Variants in VBP1 observed in about 807,000 individuals in gnomAD.
The protein encoded by VBP1 is VHL binding protein 1.
VBP1 carries 4 observed loss-of-function variants against 15.5 expected under a neutral mutation model. That is an observed-to-expected ratio of 0.26 (90% CI 0.13 to 0.59). VBP1 has a LOEUF of 0.59. Among genes scored for constraint, VBP1 ranks in the 20% least tolerant of loss-of-function variants. VBP1 has a pLI of 0.90. For missense variants in VBP1, 108 were observed against 139.6 expected (o/e 0.77, Z 1.14); for synonymous variants, 61 against 52.1 (o/e 1.17, Z -0.74).
At chrX:155,219,998 A>T (rs2074681531) in intron 1 of VBP1, among the ~76,000 whole-genome samples, 185 bp from the exon 2 acceptor site, 1 of 111,091 alleles carries the variant, frequency 9.0e-6, no homozygotes, top group African/African-American at 3.3e-5. Flanking sequence ...AAAAAATCTA[A>T]AATCCAAAAC....
chrX:155,206,469 C>T (rs2074626718), intron 1 of VBP1, among the ~76,000 whole-genome samples: 1 of 110,718 alleles, frequency 9.0e-6, no homozygotes, highest in Non-Finnish European at 1.9e-5. Context: ...CTCCTGACCT[C>T]GTGATCTGCC....
At chrX:155,204,502 C>T (rs782245576) in intron 1 of VBP1, among the ~76,000 whole-genome samples, 16 of 111,408 alleles carry the variant, frequency 1.4e-4, no homozygotes, top group African/African-American at 3.6e-4. Flanking sequence ...GTTACAACTA[C>T]GAACAGAAAA....
intron 4 of VBP1, among the ~76,000 whole-genome samples, chrX:155,231,343 C>CT (rs2074745678): frequency 8.9e-6 from 1 of 112,119 alleles, no homozygotes; most frequent in Admixed American, 9.4e-5. Context: ...ACACTCAATC[C>CT]TTTGAGTTCT....
Position 155,238,765 on chromosome X carries a change from C to G in VBP1, c.524-7C>G, listed in dbSNP as rs374080651. 251 of 1,196,370 alleles carry G rather than the reference C, an allele frequency of 2.1e-4. No homozygotes were observed. The highest frequency in any genetic ancestry group is 2.7e-4 in the Non-Finnish European group (243 of 888,604). On this transcript the variant is annotated splice_polypyrimidine_tract_variant and splice_region_variant and intron_variant, in intron 5 of 5. Coordinates refer to ENST00000286428, the MANE Select transcript of VBP1 (RefSeq NM_003372.7). Reference sequence around the variant, plus strand: ...TGCATTTGCATTTTCTTTGACAATTCTTGCAGATATGGCCAGGGTTTATAA... The same window carrying G: ...TGCATTTGCATTTTCTTTGACAATTGTTGCAGATATGGCCAGGGTTTATAA...
At chrX:155,211,389 T>C (rs1557308502) in intron 2 of VBP1, among the ~76,000 whole-genome samples, 1 of 112,228 alleles carries the variant, frequency 8.9e-6, no homozygotes, top group African/African-American at 3.2e-5. Context: ...GATCAAGCAA[T>C]AAATATTGAT....
At chrX:155,236,089 C>T (rs920293334) in intron 4 of VBP1, 140 bp from the exon 5 acceptor site, 6 of 648,891 alleles carry the variant, frequency 9.2e-6, no homozygotes, top group African/African-American at 6.8e-5. Context: ...TAGAGAATAG[C>T]TGGGCTCCAG....
intron 2 of VBP1, among the ~76,000 whole-genome samples, chrX:155,209,877 A>T (rs2074638652): frequency 1.8e-5 from 2 of 111,814 alleles, no homozygotes; most frequent in South Asian, 7.4e-4. Context: ...ATATTTACAG[A>T]TCTGTCTCTC....
chrX:155,223,300 C>T (rs891669289), intron 2 of VBP1, among the ~76,000 whole-genome samples: 11 of 106,993 alleles, frequency 1.0e-4, no homozygotes, highest in Non-Finnish European at 1.9e-4. Flanking sequence ...AGCAGGTAAA[C>T]ATGTGAACAA....
intron 2 of VBP1, among the ~76,000 whole-genome samples, chrX:155,222,128 AAAAG>A (rs1295402590): frequency 3.6e-5 from 4 of 112,611 alleles, no homozygotes; most frequent in Non-Finnish European, 7.5e-5. Context: ...GTTTATTTGA[AAAAG>A]AAAAATAAAG....
chrX:155,234,181 C>T (rs1557311247), intron 4 of VBP1, among the ~76,000 whole-genome samples: 10 of 88,705 alleles, frequency 1.1e-4, no homozygotes, highest in Non-Finnish European at 2.1e-5. Context: ...AGCGCAGTGA[C>T]GTGATCTTGG....
At chrX:155,211,146 A>G (rs1389802063) in intron 2 of VBP1, among the ~76,000 whole-genome samples, 1 of 112,010 alleles carries the variant, frequency 8.9e-6, no homozygotes, top group East Asian at 2.8e-4. Flanking sequence ...CAGGTCTTCC[A>G]TGCAAGATGG....
intron 4 of VBP1, among the ~76,000 whole-genome samples, chrX:155,234,580 A>G (rs1379341971): frequency 8.9e-6 from 1 of 111,823 alleles, no homozygotes; most frequent in African/African-American, 3.3e-5. Flanking sequence ...CTGTCCTTAC[A>G]CATTCTTTAT....
At chrX:155,214,925 A>G (rs1370891852), upstream of VBP1, among the ~76,000 whole-genome samples, 1 of 110,617 alleles carries the variant, frequency 9.0e-6, no homozygotes, top group Non-Finnish European at 1.9e-5. Context: ...ATTCAGCAGT[A>G]TAAATAAGGG....
chrX:155,203,257 T>A (rs1188915903), intron 1 of VBP1, among the ~76,000 whole-genome samples: 1 of 111,346 alleles, frequency 9.0e-6, no homozygotes, highest in African/African-American at 3.3e-5. Flanking sequence ...ATCCCATTAC[T>A]GGGTATATAC....
intron 2 of VBP1, among the ~76,000 whole-genome samples, chrX:155,223,584 C>T (rs2074701377): frequency 8.9e-6 from 1 of 112,248 alleles, no homozygotes; most frequent in Non-Finnish European, 1.9e-5. Flanking sequence ...ATGGAGTCTC[C>T]CATGTCCACC....
At chrX:155,213,721 C>G (rs2074652374), upstream of VBP1, 1 of 112,340 alleles carries the variant, frequency 8.9e-6, no homozygotes, top group Non-Finnish European at 1.9e-5. Context: ...TCTAGAAATT[C>G]TGCAAGATGG....
intron 1 of VBP1, among the ~76,000 whole-genome samples, chrX:155,203,484 A>C (rs1406817275): frequency 2.8e-5 from 3 of 109,079 alleles, no homozygotes; most frequent in Non-Finnish European, 5.7e-5. Flanking sequence ...ATTGGAAATC[A>C]TCATTCTCAG....
chrX:155,210,488 C>T (rs906942223), intron 2 of VBP1, among the ~76,000 whole-genome samples: 2 of 111,346 alleles, frequency 1.8e-5, no homozygotes, highest in Admixed American at 1.9e-4. Context: ...GTCATACAGG[C>T]GCAGTTCTGG....
chrX:155,224,366 G>A (rs1275985148), intron 2 of VBP1, among the ~76,000 whole-genome samples: 2 of 113,016 alleles, frequency 1.8e-5, no homozygotes, highest in South Asian at 3.6e-4. Context: ...TCGGGAGGCC[G>A]AGGCTGGCAG....
Sources: allele counts gnomAD v4.1 joint callset (sites outside exome capture counted in the v4.1 genomes callset), GRCh38; gene constraint gnomAD v4.1.1; transcripts MANE v1.5; gene names NCBI Gene and HGNC (gene_info 2026-07-23, HGNC 2026-07-21).